The following GALR1 variants were observed in gnomAD, a reference collection of about 807,000 sequenced individuals.
GALR1 encodes the protein galanin receptor type 1.
GALR1 carries 11 observed loss-of-function variants against 17.9 expected under a neutral mutation model. That is an observed-to-expected ratio of 0.62 (90% CI 0.39 to 1.02). The LOEUF (loss-of-function observed/expected upper bound fraction) is 1.02, where lower values mean the gene tolerates loss of function less well. GALR1 is among the 50% of genes least tolerant of loss of function. The pLI, the probability that GALR1 is intolerant of heterozygous loss-of-function variation, is 0.01. For missense variants in GALR1, 441 were observed against 456.9 expected, an observed-to-expected ratio of 0.97 and a Z score of 0.32; for synonymous variants, 206 against 205.7, an observed-to-expected ratio of 1.00 and a Z score of -0.01.
intron 1 of GALR1, 45 bp downstream of exon 1, chr18:77,251,259 G>C (rs374162333): frequency 8.1e-5 from 126 of 1,549,894 alleles, no homozygotes; most frequent in Non-Finnish European, 1.0e-4. Flanking sequence ...GAGGGCGGAG[G>C]GCCGGTGGGG....
At chr18:77,252,914 C>CCACCACCACCACCAT (rs1912473354) in intron 1 of GALR1, among the ~76,000 whole-genome samples, 4 of 37,436 alleles carry the variant, frequency 1.1e-4, no homozygotes, top group African/African-American at 3.5e-4. Flanking sequence ...ACCACCACCA[C>CCACCACCACCACCAT]CACCACCATC....
At chr18:77,253,052 C>T (rs977341986) in intron 1 of GALR1, among the ~76,000 whole-genome samples, 13 of 105,254 alleles carry the variant, frequency 1.2e-4, no homozygotes, top group Non-Finnish European at 2.1e-4. Context: ...ACCACCACCA[C>T]CACCAATATA....
intron 2 of GALR1, among the ~76,000 whole-genome samples, chr18:77,263,201 GT>G (rs578222310): frequency 1.9e-4 from 29 of 152,188 alleles, no homozygotes; most frequent in Non-Finnish European, 3.7e-4. Context: ...TATCTAGATT[GT>G]TTTGATTAAA....
At position 77,271,221 on chromosome 18, in the gene GALR1, C is replaced by T. The variant is rs1369679908; in HGVS notation, c.*2319C>T. ...CACGTCTGAAGCTTGAGGCATGGTACAAAAAGTAATAGCTTGCGCTTGAAA... is the reference window on the plus strand; with the variant it reads ...CACGTCTGAAGCTTGAGGCATGGTATAAAAAGTAATAGCTTGCGCTTGAAA... On this transcript the variant is annotated 3_prime_UTR_variant, in exon 3 of 3. Transcript: ENST00000299727. The T allele has an allele frequency of 1.5e-5, 2 of 130,888 alleles. No individual in the cohort carries two copies. Among genetic ancestry groups the T allele is most frequent in the Non-Finnish European group, 3.2e-5 (2 of 62,072 alleles). 8.1% of individuals were successfully genotyped at this position (130,888 alleles called of 1,614,324 possible). A position where few individuals can be genotyped will look rare whatever the true frequency, so the allele number is the denominator to read the frequency against.
chr18:77,259,035 CATGATGGTCATGGTGGTGATG>C (rs1568141846), intron 2 of GALR1, among the ~76,000 whole-genome samples: 2 of 5,330 alleles, frequency 3.8e-4, no homozygotes. Flanking sequence ...TGGTGGTGGT[CATGATGGTCATGGTGGTGATG>C]ATGGTGGTCA....
chr18:77,258,779 G>GCAAT, intron 2 of GALR1, among the ~76,000 whole-genome samples: 1 of 124,328 alleles, frequency 8.0e-6, no homozygotes, highest in African/African-American at 2.8e-5. Context: ...GATAGTGATG[G>GCAAT]TGGTGGTGGT....
intron 2 of GALR1, among the ~76,000 whole-genome samples, chr18:77,263,016 T>C (rs892536825): frequency 6.6e-6 from 1 of 152,240 alleles, no homozygotes; most frequent in African/African-American, 2.4e-5. Flanking sequence ...TGATAAGGCA[T>C]AGATCTTATC....
chr18:77,258,032 T>C (rs80119929), intron 2 of GALR1, among the ~76,000 whole-genome samples: 2 of 152,300 alleles, frequency 1.3e-5, no homozygotes, highest in East Asian at 1.9e-4. Flanking sequence ...TGAAAAAGTA[T>C]TGGAGAGAAA....
In GALR1 at chr18:77,269,143, T is replaced by C. The variant is rs1403338419; in HGVS notation, c.*241T>C. The C allele has an allele frequency of 1.8e-5, 9 of 492,558 alleles. No individual in the cohort carries two copies. Among genetic ancestry groups the C allele is most frequent in the Admixed American group, 3.8e-5 (1 of 26,230 alleles). 30.5% of individuals were successfully genotyped at this position (492,558 alleles called of 1,614,324 possible). On this transcript the variant is annotated 3_prime_UTR_variant, in exon 3 of 3. Coordinates refer to ENST00000299727, the MANE Select transcript of GALR1 (RefSeq NM_001480.4). ...ATTATGTTTCAGAAACAAAAGACAA[T>C]GCTGTACAGTTTTATTCCTCTTCAG...
chr18:77,256,303 C>T (rs1912586980), intron 2 of GALR1, 80 bp downstream of exon 2: 1 of 786,912 alleles, frequency 1.3e-6, no homozygotes, highest in Non-Finnish European at 2.1e-6. Flanking sequence ...TCCTCACGTC[C>T]ATCCAAAGCC....
chr18:77,270,668 CACTT>C lies in GALR1; in HGVS notation c.*1771_*1774del, dbSNP rs1464114714. The C allele has an allele frequency of 1.3e-5, 2 of 152,054 alleles. No individual in the cohort carries two copies. The highest frequency in any genetic ancestry group is 4.8e-5 in the African/African-American group (2 of 41,406). The allele number at this position is 152,054 out of a possible 1,614,324, so 9.4% of individuals were successfully genotyped here. A position where few individuals can be genotyped will look rare whatever the true frequency, so the allele number is the denominator to read the frequency against. Reference sequence around the variant, plus strand: ...GGCATGCTAATTTTTTTAGCTCATTCACTTACTTTCACTAATCATATTTCAGTGA... The same window carrying C: ...GGCATGCTAATTTTTTTAGCTCATTCACTTTCACTAATCATATTTCAGTGA... On this transcript the variant is annotated 3_prime_UTR_variant, in exon 3 of 3. Transcript: ENST00000299727.
At chr18:77,256,584 T>G (rs1420867398) in intron 2 of GALR1, among the ~76,000 whole-genome samples, 1 of 150,804 alleles carries the variant, frequency 6.6e-6, no homozygotes, top group Non-Finnish European at 1.5e-5. Flanking sequence ...AGTCATTTTG[T>G]TTTATGTTTT....
At position 77,256,236 on chromosome 18, in the gene GALR1, AAT is replaced by A. The variant is rs150140871; in HGVS notation, c.732+26_732+27del. 2,499 of 1,293,902 alleles carry A rather than the reference AAT, an allele frequency of 1.9e-3. No homozygotes were observed. The highest frequency in any genetic ancestry group is 2.2e-3 in the Non-Finnish European group (2,026 of 902,880). 80.2% of individuals were successfully genotyped at this position (1,293,902 alleles called of 1,614,324 possible). A position where few individuals can be genotyped will look rare whatever the true frequency, so the allele number is the denominator to read the frequency against. Reference sequence around the variant, plus strand: ...ATCCAAGAAAAAGGTAATGATCACAAATATATATATATATGTTACTTTTCAGA... The same window carrying A: ...ATCCAAGAAAAAGGTAATGATCACAAATATATATATATGTTACTTTTCAGA... On this transcript the variant is annotated intron_variant, in intron 2 of 2. Transcript: ENST00000299727.
At position 77,250,478 on chromosome 18, in the gene GALR1, AC is replaced by A; in HGVS notation, c.-66del. 9.4e-6 allele frequency: 13 copies of A among 1,384,530 alleles called. No homozygotes were observed. The highest frequency in any genetic ancestry group is 1.2e-5 in the Non-Finnish European group (13 of 1,073,714). 85.8% of individuals were successfully genotyped at this position (1,384,530 alleles called of 1,614,324 possible). A position where few individuals can be genotyped will look rare whatever the true frequency, so the allele number is the denominator to read the frequency against. ...GTGCTTTGCGCCGGGACCCCTGGCCACCCCCGGCGCCTACTATCCCGCCCTC... is the reference window on the plus strand; with the variant it reads ...GTGCTTTGCGCCGGGACCCCTGGCCACCCCGGCGCCTACTATCCCGCCCTC... On this transcript the variant is annotated 5_prime_UTR_variant, in exon 1 of 3. Coordinates refer to ENST00000299727, the MANE Select transcript of GALR1 (RefSeq NM_001480.4).
At chr18:77,251,357 G>T in intron 1 of GALR1, 143 bp downstream of exon 1, 11 of 1,293,418 alleles carry the variant, frequency 8.5e-6, no homozygotes, top group Non-Finnish European at 1.1e-5. Context: ...CGCTGGTACG[G>T]ATCTGTGCAG....
chr18:77,277,275 C>T lies in GALR1; in HGVS notation c.*8373C>T, dbSNP rs1356947029. ...CTCTGTGTCTCCACCCAAATCTCAC[C>T]TTGAATTGTAATAATCCTCACGTGT... On this transcript the variant is annotated 3_prime_UTR_variant, in exon 3 of 3. Coordinates refer to ENST00000299727, the MANE Select transcript of GALR1 (RefSeq NM_001480.4). The T allele has an allele frequency of 6.6e-6, 1 of 152,134 alleles. No homozygotes were observed. The highest frequency in any genetic ancestry group is 1.5e-5 in the Non-Finnish European group (1 of 68,032). 9.4% of individuals were successfully genotyped at this position (152,134 alleles called of 1,614,324 possible).
rs1158161147 is a variant in GALR1 at position 77,250,744 on chromosome 18, C to T, written c.196C>T (p.Pro66Ser). 1 of 1,613,758 alleles carries T rather than the reference C, an allele frequency of 6.2e-7. No individual in the cohort carries two copies. Among genetic ancestry groups the T allele is most frequent in the Non-Finnish European group, 8.5e-7 (1 of 1,180,006 alleles). The change falls in exon 1 of 3, where the codon CCG (proline) becomes TCG (serine). Residue 66 changes from proline to serine, a missense_variant. Coordinates refer to ENST00000299727, the MANE Select transcript of GALR1 (RefSeq NM_001480.4). Reference protein sequence around the residue: ...TVLARSKPGKPRSTTNLFILN... With the variant: ...TVLARSKPGKSRSTTNLFILN... ...GCTGGCGCGCAGCAAGCCGGGCAAG[C>T]CGCGGAGCACCACCAACCTGTTCAT...
intron 1 of GALR1, among the ~76,000 whole-genome samples, chr18:77,252,707 G>C (rs900525583): frequency 5.3e-5 from 8 of 152,042 alleles, no homozygotes; most frequent in African/African-American, 1.9e-4. Context: ...TATTAGCTGG[G>C]TGTGGTGGCG....
rs563616271 is a variant in GALR1, at chr18:77,277,297, G to T, written c.*8395G>T. ...CACCTTGAATTGTAATAATCCTCACGTGTCAAGGACCAGCAGGTGGAGATA... is the reference window on the plus strand; with the variant it reads ...CACCTTGAATTGTAATAATCCTCACTTGTCAAGGACCAGCAGGTGGAGATA... On this transcript the variant is annotated 3_prime_UTR_variant, in exon 3 of 3. Coordinates refer to ENST00000299727, the MANE Select transcript of GALR1 (RefSeq NM_001480.4). 1 of 152,248 alleles carries T rather than the reference G, an allele frequency of 6.6e-6. No homozygotes were observed. Among genetic ancestry groups the T allele is most frequent in the Admixed American group, 6.5e-5 (1 of 15,282 alleles). 9.4% of individuals were successfully genotyped at this position (152,248 alleles called of 1,614,324 possible).
Sources: allele counts gnomAD v4.1 joint callset (sites outside exome capture counted in the v4.1 genomes callset), GRCh38; gene constraint gnomAD v4.1.1; transcripts MANE v1.5; gene names NCBI Gene and HGNC (gene_info 2026-07-23, HGNC 2026-07-21).